The following SGCG variants were observed in gnomAD, a reference collection of about 807,000 sequenced individuals.
The protein encoded by SGCG is gamma-sarcoglycan.
Under a neutral mutation model 29.3 loss-of-function variants are expected in SGCG, and 26 were observed. The ratio of observed to expected loss-of-function variants is 0.89; its 90% confidence interval spans 0.65 to 1.23. SGCG has a LOEUF of 1.23. Ranked by LOEUF, SGCG falls within the 50% of genes most tolerant of loss-of-function variation. SGCG has a pLI of 0.00. For synonymous variants in SGCG, 145 were observed against 129.7 expected, an observed-to-expected ratio of 1.12 and a Z score of -0.80; for missense variants, 353 against 356.0, an observed-to-expected ratio of 0.99 and a Z score of 0.07.
chr13:23,192,508 C>T (rs1877314330), intron 1 of SGCG, among the ~76,000 whole-genome samples: 2 of 152,156 alleles, frequency 1.3e-5, no homozygotes, highest in South Asian at 4.1e-4. Flanking sequence ...ATTCCCCTGC[C>T]TCAGCCTCCC....
At chr13:23,174,347 T>C in the SGCG span, among the ~76,000 whole-genome samples, 2 of 152,118 alleles carry the variant, frequency 1.3e-5, no homozygotes, top group African/African-American at 4.8e-5. Context: ...TGGCCGAAGC[T>C]TGAGGATGTG....
rs562614554 is a variant in SGCG, at chr13:23,247,657, A to T, written c.298-2973A>T. 3.3e-5 allele frequency among the ~76,000 whole-genome samples: 5 copies of T among 152,208 alleles called. No individual in the cohort carries two copies. In the East Asian group the frequency reaches 9.7e-4, roughly 29 times the overall value. ...TTATAGGAATTCTATTTAAAAATTT[A>T]AAAATCGGTCGGGCATGGTGGCTCA... On this transcript the variant is annotated intron_variant, in intron 3 of 7. Coordinates refer to ENST00000218867, the MANE Select transcript of SGCG (RefSeq NM_000231.3).
chr13:23,211,000 T>C (rs1878179769), intron 2 of SGCG, among the ~76,000 whole-genome samples: 1 of 152,092 alleles, frequency 6.6e-6, no homozygotes, highest in African/African-American at 2.4e-5. Flanking sequence ...CAAACCCAAC[T>C]GAAAGGAACA....
the SGCG span, among the ~76,000 whole-genome samples, chr13:23,174,569 G>A: frequency 6.6e-6 from 1 of 152,064 alleles, no homozygotes; most frequent in Non-Finnish European, 1.5e-5. Context: ...TAGAATGTCA[G>A]AGACATATTT....
At chr13:23,160,952 C>CATTA in the SGCG span, among the ~76,000 whole-genome samples, 5 of 152,302 alleles carry the variant, frequency 3.3e-5, no homozygotes, top group East Asian at 9.6e-4. Flanking sequence ...TGCAATGAGA[C>CATTA]TTAATAACTT....
intron 3 of SGCG, among the ~76,000 whole-genome samples, chr13:23,237,751 A>G (rs1879364317): frequency 6.6e-6 from 1 of 151,844 alleles, no homozygotes; most frequent in African/African-American, 2.4e-5. Flanking sequence ...AGACACATCC[A>G]CACAGTGGAA....
intron 2 of SGCG, among the ~76,000 whole-genome samples, chr13:23,221,693 G>A (rs1377949507): frequency 6.7e-6 from 1 of 150,122 alleles, no homozygotes; most frequent in Non-Finnish European, 1.5e-5. Context: ...GATCCTATGA[G>A]GGACTCAAAA....
At chr13:23,229,033 C>T (rs145887821) in intron 2 of SGCG, among the ~76,000 whole-genome samples, 215 of 152,250 alleles carry the variant, frequency 1.4e-3, no homozygotes, top group Middle Eastern at 0.01. Context: ...CCACACCCAA[C>T]TAATTTTTGT....
chr13:23,274,440 T>A (rs538199410), intron 4 of SGCG, among the ~76,000 whole-genome samples: 1 of 138,626 alleles, frequency 7.2e-6, no homozygotes, highest in South Asian at 2.4e-4. Flanking sequence ...TCTTGCTCTG[T>A]CTCCCAGGCT....
the SGCG span, among the ~76,000 whole-genome samples, chr13:23,162,703 C>G: frequency 1.3e-5 from 2 of 151,934 alleles, no homozygotes; most frequent in African/African-American, 4.8e-5. Flanking sequence ...TGGTGGCACA[C>G]GCCTGTAGTC....
chr13:23,178,450 G>T (rs545487799), upstream of SGCG, among the ~76,000 whole-genome samples: 14 of 152,312 alleles, frequency 9.2e-5, no homozygotes, highest in Middle Eastern at 3.4e-3. Context: ...GAATTGTGGG[G>T]AGACAATGCG....
intron 4 of SGCG, among the ~76,000 whole-genome samples, chr13:23,262,615 A>G (rs1880486328): frequency 6.6e-6 from 1 of 152,038 alleles, no homozygotes; most frequent in Non-Finnish European, 1.5e-5. Context: ...GCAGAAAGTC[A>G]ACAAAGAAAA....
At chr13:23,205,624 A>C (rs1242227695) in intron 2 of SGCG, among the ~76,000 whole-genome samples, 1 of 152,186 alleles carries the variant, frequency 6.6e-6, no homozygotes, top group East Asian at 1.9e-4. Context: ...TGTAGCATGT[A>C]AAACAACTTT....
intron 6 of SGCG, among the ~76,000 whole-genome samples, chr13:23,301,716 G>A (rs1342048646): frequency 6.6e-6 from 1 of 152,060 alleles, no homozygotes; most frequent in African/African-American, 2.4e-5. Flanking sequence ...GAGAAACCCT[G>A]TCTCTACTAA....
intron 2 of SGCG, among the ~76,000 whole-genome samples, chr13:23,231,256 T>C (rs1879098627): frequency 6.6e-6 from 1 of 152,176 alleles, no homozygotes. Context: ...TCTTTTTTGT[T>C]GTGTCTCTGC....
intron 5 of SGCG, among the ~76,000 whole-genome samples, chr13:23,286,211 T>A (rs1482248088): frequency 6.6e-6 from 1 of 152,224 alleles, no homozygotes; most frequent in Non-Finnish European, 1.5e-5. Context: ...CACTGGTCTC[T>A]CACCATTACA....
intron 3 of SGCG, among the ~76,000 whole-genome samples, chr13:23,242,722 A>C (rs1003128941): frequency 1.3e-5 from 2 of 152,182 alleles, no homozygotes; most frequent in Non-Finnish European, 2.9e-5. Flanking sequence ...GAAATGATAT[A>C]GTGGTGGTTG....
chr13:23,164,971 A>G, the SGCG span, among the ~76,000 whole-genome samples: 10 of 152,022 alleles, frequency 6.6e-5, no homozygotes, highest in East Asian at 1.9e-3. Flanking sequence ...TCACCTACTC[A>G]GCCCTCTCCC....
intron 6 of SGCG, among the ~76,000 whole-genome samples, chr13:23,309,764 A>G (rs904844212): frequency 3.3e-5 from 5 of 152,218 alleles, no homozygotes; most frequent in African/African-American, 1.2e-4. Flanking sequence ...GTAAACTCAC[A>G]TATGAAATGA....
Sources: allele counts gnomAD v4.1 joint callset (sites outside exome capture counted in the v4.1 genomes callset), GRCh38; gene constraint gnomAD v4.1.1; transcripts MANE v1.5; gene names NCBI Gene and HGNC (gene_info 2026-07-23, HGNC 2026-07-21).